The following CERCAM variants were observed in gnomAD, a reference collection of about 807,000 sequenced individuals.
The protein encoded by CERCAM is inactive glycosyltransferase 25 family member 3.
A neutral mutation model predicts 66.0 loss-of-function variants in CERCAM; 59 were observed. The observed-to-expected ratio is 0.89, with a 90% CI of 0.73 to 1.11. The LOEUF (loss-of-function observed/expected upper bound fraction) is 1.11, where lower values mean the gene tolerates loss of function less well. CERCAM is among the 50% of genes most tolerant of loss of function. The probability of loss-of-function intolerance (pLI) is 0.00; values close to 1 mark genes in which losing one functional copy is unlikely to be tolerated. For missense variants in CERCAM, 840 were observed against 828.3 expected, an observed-to-expected ratio of 1.01 and a Z score of -0.17; for synonymous variants, 318 against 343.6, an observed-to-expected ratio of 0.93 and a Z score of 0.83.
rs781111444 is a variant in CERCAM at position 128,424,124 on chromosome 9, TC to T, written c.427-10del. ...CCAGGCAGGGCTGGAGCCTGTGACG[TC>T]CCCTCCTCAAAGTTTGCAGACACAG... On this transcript the variant is annotated splice_polypyrimidine_tract_variant and intron_variant, in intron 3 of 12. Transcript: ENST00000372838. 17 of 1,612,464 alleles carry T rather than the reference TC, an allele frequency of 1.1e-5. No homozygotes were observed. The African/African-American group carries it at 1.9e-4, about 18-fold the overall frequency.
chr9:128,422,775 G>A (rs1032291454), intron 1 of CERCAM, 93 bp from the exon 2 acceptor site: 7 of 1,406,666 alleles, frequency 5.0e-6, no homozygotes, highest in East Asian at 2.5e-5. Context: ...AGGAGAGCTC[G>A]ACCTCAAAGG....
At position 128,428,284 on chromosome 9, in the gene CERCAM, C is replaced by T; in HGVS notation, c.767-18C>T. 1.2e-6 allele frequency: 2 copies of T among 1,612,920 alleles called. No individual in the cohort carries two copies. The highest frequency in any genetic ancestry group is 1.3e-5 in the African/African-American group (1 of 75,036). On this transcript the variant is annotated intron_variant, in intron 5 of 12. Transcript: ENST00000372838. ...GCCCCACCCTCCACTGCAGCTCTCA[C>T]TCAGCCTGTCTCTGCAGGGGTCTCC...
In CERCAM at chr9:128,424,378, C is replaced by T. The variant is rs376627791; in HGVS notation, c.562-32C>T. ...GTCTGTGGGCAGGGGCAGGGGAGCC[C>T]TCTCACAGCCCAAAGCATCCCTTTT... On this transcript the variant is annotated intron_variant, in intron 4 of 12. Coordinates refer to ENST00000372838, the MANE Select transcript of CERCAM (RefSeq NM_016174.5). 29 of 1,613,086 alleles carry T rather than the reference C, an allele frequency of 1.8e-5. No individual in the cohort carries two copies. In the South Asian group the frequency reaches 2.9e-4, roughly 16 times the overall value.
intron 9 of CERCAM, 131 bp from the exon 10 acceptor site, chr9:128,433,971 A>C: frequency 7.9e-7 from 1 of 1,269,182 alleles, no homozygotes; most frequent in South Asian, 1.5e-5. Flanking sequence ...TGGGGCCCCC[A>C]GCAGGCTTTG....
Position 128,434,429 on chromosome 9 carries a change from G to C in CERCAM, c.1351G>C (p.Val451Leu), listed in dbSNP as rs369784853. Reference protein sequence around the residue: ...WDLIYLGRKQVNPEKETAVEG... With the variant: ...WDLIYLGRKQLNPEKETAVEG... ...TTACAGCTACCTCGGACGGAAGCAG[G>C]TGAACCCTGAGAAGGAGACGGCCGT... The change falls in exon 11 of 13, where the codon GTG becomes CTG. Residue 451 changes from valine to leucine, a missense_variant. Coordinates refer to ENST00000372838, the MANE Select transcript of CERCAM (RefSeq NM_016174.5). The surrounding 1 kb of genome is among the most constrained non-coding windows in gnomAD (Gnocchi z 4.5). 26 of 1,613,910 alleles carry C rather than the reference G, an allele frequency of 1.6e-5. No individual in the cohort carries two copies. Among genetic ancestry groups the C allele is most frequent in the Non-Finnish European group, 2.0e-5 (24 of 1,180,028 alleles).
At chr9:128,425,572 C>G (rs528539526) in intron 5 of CERCAM, among the ~76,000 whole-genome samples, 2 of 149,192 alleles carry the variant, frequency 1.3e-5, no homozygotes, top group African/African-American at 5.0e-5. Flanking sequence ...AGTGCAATGG[C>G]GTGATCTTGG....
rs532440285 is a variant in CERCAM, at chr9:128,434,096, C to A, written c.1204-6C>A. ...GAGCCATCTCCCACCCCATTGTATGCCACAGGTGGTTGCCAGGGGCCTGGC... is the reference window on the plus strand; with the variant it reads ...GAGCCATCTCCCACCCCATTGTATGACACAGGTGGTTGCCAGGGGCCTGGC... On this transcript the variant is annotated splice_region_variant and splice_polypyrimidine_tract_variant and intron_variant, in intron 9 of 12. Coordinates refer to ENST00000372838, the MANE Select transcript of CERCAM (RefSeq NM_016174.5). This position sits in a 1 kb window ranked among gnomAD's most constrained non-coding sequence, Gnocchi z 4.5. The A allele has an allele frequency of 6.2e-7, 1 of 1,613,926 alleles. No individual in the cohort carries two copies. Among genetic ancestry groups the A allele is most frequent in the East Asian group, 2.2e-5 (1 of 44,882 alleles).
chr9:128,420,756 G>A (rs1833687349), upstream of CERCAM: 5 of 300,902 alleles, frequency 1.7e-5, no homozygotes, highest in Non-Finnish European at 2.9e-5. This position sits in a 1 kb window ranked among gnomAD's most constrained non-coding sequence, Gnocchi z 5.0. Flanking sequence ...ATCCCACTCT[G>A]AGGGTGCACT....
At chr9:128,426,643 T>G (rs1479001134) in intron 5 of CERCAM, among the ~76,000 whole-genome samples, 2 of 150,002 alleles carry the variant, frequency 1.3e-5, no homozygotes, top group Non-Finnish European at 3.0e-5. Flanking sequence ...AATCCAGTCC[T>G]GAGGATGAGA....
At chr9:128,425,120 G>A (rs931820705) in intron 5 of CERCAM, among the ~76,000 whole-genome samples, 1 of 149,198 alleles carries the variant, frequency 6.7e-6, no homozygotes, top group Non-Finnish European at 1.5e-5. Flanking sequence ...TGCAGTGGCC[G>A]ATCTTGGCTC....
intron 1 of CERCAM, 65 bp from the exon 2 acceptor site, chr9:128,422,803 C>A: frequency 1.3e-6 from 2 of 1,576,210 alleles, no homozygotes; most frequent in South Asian, 1.1e-5. Flanking sequence ...GCTTTGGGGT[C>A]AAGGCTGCCT....
Position 128,420,966 on chromosome 9 carries a change from T to G in CERCAM, c.89T>G (p.Leu30Arg). The change falls in exon 1 of 13, where the codon CTG becomes CGG. Residue 30 changes from leucine (L) to arginine (R), a missense_variant. By Grantham distance (102) the Leu-to-Arg change is moderately radical (BLOSUM62 -2). Transcript: ENST00000372838. The surrounding 1 kb of genome is among the most constrained non-coding windows in gnomAD (Gnocchi z 5.0). Reference protein sequence around the residue: ...LEAAGVAESPLPAVVLAILAR... With the variant: ...LEAAGVAESPRPAVVLAILAR... ...GCTGCGGGCGTTGCGGAGTCGCCGC[T>G]GCCCGCCGTGGTCCTTGCCATCCTG... 6.8e-7 allele frequency: 1 copy of G among 1,466,736 alleles called. No homozygotes were observed. Among genetic ancestry groups the G allele is most frequent in the Non-Finnish European group, 9.0e-7 (1 of 1,111,588 alleles). 90.9% of individuals were successfully genotyped at this position (1,466,736 alleles called of 1,614,324 possible).
At chr9:128,433,139 G>A (rs956684693) in intron 9 of CERCAM, among the ~76,000 whole-genome samples, 1 of 152,058 alleles carries the variant, frequency 6.6e-6, no homozygotes, top group Admixed American at 6.6e-5. Flanking sequence ...AATTAGCCAG[G>A]CGTGGTGGCG....
chr9:128,433,002 G>A (rs923910099), intron 9 of CERCAM, among the ~76,000 whole-genome samples: 2 of 151,998 alleles, frequency 1.3e-5, no homozygotes, highest in African/African-American at 2.4e-5. Flanking sequence ...GGCGTTGGCC[G>A]GGCGCCGTGG....
chr9:128,434,044 G>T lies in CERCAM; in HGVS notation c.1204-58G>T. On this transcript the variant is annotated intron_variant, in intron 9 of 12. Transcript: ENST00000372838. The surrounding 1 kb of genome is among the most constrained non-coding windows in gnomAD (Gnocchi z 4.5). ...GGCAGAGGCTGTGAGCTTCAGCGTG[G>T]AGGGAGGGGGGTTGTTTAACTCCGA... is the stretch of plus-strand genomic sequence containing the variant. 1 of 1,595,550 alleles carries T rather than the reference G, an allele frequency of 6.3e-7. No homozygotes were observed. The highest frequency in any genetic ancestry group is 8.5e-7 in the Non-Finnish European group (1 of 1,169,962).
At position 128,434,000 on chromosome 9, in the gene CERCAM, G is replaced by T. The variant is rs1834040481; in HGVS notation, c.1204-102G>T. On this transcript the variant is annotated intron_variant, in intron 9 of 12. Transcript: ENST00000372838. The stretch of plus-strand genomic sequence containing the variant: ...GGCTTTGGGGCAACTGCATGATGTG[G>T]CCAGGCCAACTGAGGCCAGGCAGAG... The T allele has an allele frequency of 2.7e-6, 4 of 1,500,182 alleles. No homozygotes were observed. The African/African-American group carries it at 5.6e-5, about 21-fold the overall frequency. The allele number at this position is 1,500,182 out of a possible 1,614,324, so 92.9% of individuals were successfully genotyped here.
intron 8 of CERCAM, 88 bp downstream of exon 8, chr9:128,429,124 A>G (rs2270202): frequency 0.23 from 209,046 of 923,418 alleles, 31,502 homozygotes; most frequent in African/African-American, 0.67. Context: ...AAAAGCAGAC[A>G]GGTTGAATGA....
At chr9:128,433,278 CAAAA>C (rs758064235) in intron 9 of CERCAM, among the ~76,000 whole-genome samples, 5 of 70,642 alleles carry the variant, frequency 7.1e-5, no homozygotes, top group Admixed American at 3.3e-4. Flanking sequence ...AACTCCGTCT[CAAAA>C]AAAAAAAAAA....
intron 8 of CERCAM, chr9:128,430,693 A>G (rs2131338635): frequency 6.5e-6 from 1 of 153,364 alleles, no homozygotes; most frequent in African/African-American, 2.4e-5. Flanking sequence ...TTATCATATT[A>G]GGACATGTCC....
Sources: allele counts gnomAD v4.1 joint callset (sites outside exome capture counted in the v4.1 genomes callset), GRCh38; gene constraint gnomAD v4.1.1; non-coding constraint Gnocchi (gnomAD v3.1); transcripts MANE v1.5; gene names NCBI Gene and HGNC (gene_info 2026-07-23, HGNC 2026-07-21).